FBP2: variants seen among roughly 807,000 people sequenced by gnomAD.
The protein encoded by FBP2 is fructose-bisphosphatase 2.
Under a neutral mutation model 31.6 loss-of-function variants are expected in FBP2, and 27 were observed. The observed-to-expected ratio is 0.85, with a 90% CI of 0.63 to 1.18. The LOEUF is 1.18. Ranked by LOEUF, FBP2 falls within the 50% of genes most tolerant of loss-of-function variation. The probability of loss-of-function intolerance (pLI) is 0.00; values close to 1 mark genes in which losing one functional copy is unlikely to be tolerated. For synonymous variants in FBP2, 168 were observed against 179.8 expected, an observed-to-expected ratio of 0.93 and a Z score of 0.53; for missense variants, 421 against 436.1, an observed-to-expected ratio of 0.97 and a Z score of 0.31.
intron 1 of FBP2, among the ~76,000 whole-genome samples, chr9:94,592,623 C>T (rs147427268): frequency 0.077 from 11,686 of 152,274 alleles, 549 homozygotes; most frequent in South Asian, 0.15. Flanking sequence ...CAACCTCCAT[C>T]TCCCAGGTTC....
chr9:94,563,119 A>C (rs1827133584), intron 6 of FBP2, among the ~76,000 whole-genome samples: 1 of 152,232 alleles, frequency 6.6e-6, no homozygotes, highest in African/African-American at 2.4e-5. Flanking sequence ...GGGTAAGACC[A>C]GTGAGAATCA....
chr9:94,566,807 T>C (rs899036402), intron 5 of FBP2, among the ~76,000 whole-genome samples: 2 of 152,264 alleles, frequency 1.3e-5, no homozygotes, highest in African/African-American at 4.8e-5. Flanking sequence ...CAAAAGCATC[T>C]GAACTTGATG....
At chr9:94,589,064 TG>T (rs1188600685) in intron 1 of FBP2, among the ~76,000 whole-genome samples, 1 of 152,210 alleles carries the variant, frequency 6.6e-6, no homozygotes, top group African/African-American at 2.4e-5. Flanking sequence ...TCTTACTCGA[TG>T]CATTTTCTCC....
At chr9:94,578,896 AC>A (rs1827343997) in intron 3 of FBP2, among the ~76,000 whole-genome samples, 1 of 150,922 alleles carries the variant, frequency 6.6e-6, no homozygotes, top group Non-Finnish European at 1.5e-5. Flanking sequence ...TACTAAAAAT[AC>A]AAAAAATTAG....
chr9:94,565,688 AAAG>A (rs1827176220), intron 5 of FBP2, among the ~76,000 whole-genome samples: 3 of 33,694 alleles, frequency 8.9e-5, no homozygotes, highest in Non-Finnish European at 2.0e-4. Context: ...TTTGCTCTAT[AAAG>A]AAAAGCTACG....
At chr9:94,590,733 T>G (rs1475000200) in intron 1 of FBP2, among the ~76,000 whole-genome samples, 2 of 152,208 alleles carry the variant, frequency 1.3e-5, no homozygotes, top group South Asian at 2.1e-4. Flanking sequence ...CCAAACGGGT[T>G]GCCGATGCTG....
At chr9:94,590,951 CAG>C (rs1303411893) in intron 1 of FBP2, among the ~76,000 whole-genome samples, 14 of 152,296 alleles carry the variant, frequency 9.2e-5, no homozygotes, top group South Asian at 8.3e-4. Context: ...CAGCTAGATA[CAG>C]AGTGTCGATT....
intron 3 of FBP2, 110 bp from the exon 4 acceptor site, chr9:94,571,712 T>G: frequency 9.8e-7 from 1 of 1,024,960 alleles, no homozygotes; most frequent in Non-Finnish European, 1.4e-6. Flanking sequence ...AGCGCGGTTC[T>G]TTGAATTTTA....
chr9:94,560,480 G>A (rs1321915182), intron 6 of FBP2, among the ~76,000 whole-genome samples: 1 of 152,098 alleles, frequency 6.6e-6, no homozygotes, highest in East Asian at 1.9e-4. Context: ...CCCTGCTGCT[G>A]TGCATGACTC....
chr9:94,559,825 G>T (rs781650), intron 6 of FBP2, among the ~76,000 whole-genome samples: 38,592 of 151,952 alleles, frequency 0.25, 6,253 homozygotes, highest in East Asian at 0.54. Context: ...TGTACTATCT[G>T]TATTCTCAGT....
chr9:94,593,676 G>C lies in FBP2; in HGVS notation c.51C>G (p.Tyr17Ter). 2 of 1,614,232 alleles carry C rather than the reference G, an allele frequency of 1.2e-6. No individual in the cohort carries two copies. The highest frequency in any genetic ancestry group is 1.1e-5 in the South Asian group (1 of 91,082). Reference sequence around the variant, plus strand: ...TGGCCTGACGCCCCTTTTCCATAACGTAGCGGGTCAGGGTGAGCATGTCGG... The same window carrying C: ...TGGCCTGACGCCCCTTTTCCATAACCTAGCGGGTCAGGGTGAGCATGTCGG... ...FETDMLTLTR[Y>*]VMEKGRQAKG... Residue 17 changes from tyrosine (Y) to a stop codon, truncating the protein, a stop_gained, in exon 1 of 7, where the codon TAC becomes TAG. Coordinates refer to ENST00000375337, the MANE Select transcript of FBP2 (RefSeq NM_003837.4). LOFTEE classifies it high-confidence loss of function.
rs61465993 is a variant in FBP2, at chr9:94,593,468, C to T, written c.170+89G>A. The T allele has an allele frequency of 0.011, 13,657 of 1,300,274 alleles. 1,132 individuals carry two copies. The African/African-American group carries it at 0.18, about 17-fold the overall frequency. The allele number at this position is 1,300,274 out of a possible 1,614,324, so 80.5% of individuals were successfully genotyped here. ...GCACACAGGGCCAATAAGCTTTGGA[C>T]CCAGTTTCTTGCCAAAGCACCTGCA... On this transcript the variant is annotated intron_variant, in intron 1 of 6. Transcript: ENST00000375337.
chr9:94,593,524 C>T (rs1392691911), intron 1 of FBP2, 33 bp downstream of exon 1: 3 of 1,595,380 alleles, frequency 1.9e-6, no homozygotes, highest in Admixed American at 1.7e-5. Context: ...GCCTGGGGTG[C>T]TCTGTGCCCC....
At chr9:94,572,457 C>T (rs1399727258) in intron 3 of FBP2, among the ~76,000 whole-genome samples, 1 of 152,204 alleles carries the variant, frequency 6.6e-6, no homozygotes. Flanking sequence ...TACGTAGAAG[C>T]TTTGTAAACC....
intron 1 of FBP2, among the ~76,000 whole-genome samples, chr9:94,591,221 C>G (rs1026693814): frequency 2.0e-5 from 3 of 152,242 alleles, no homozygotes; most frequent in Non-Finnish European, 2.9e-5. Flanking sequence ...AGGCTCGGGC[C>G]GCACAGGAGC....
intron 1 of FBP2, among the ~76,000 whole-genome samples, chr9:94,588,483 T>C (rs1298690149): frequency 1.3e-5 from 2 of 152,032 alleles, no homozygotes; most frequent in African/African-American, 4.8e-5. Context: ...ATTAGCTGGA[T>C]GTGGTGGCAC....
chr9:94,565,958 C>G (rs547718869), intron 5 of FBP2, among the ~76,000 whole-genome samples: 10 of 152,192 alleles, frequency 6.6e-5, no homozygotes, highest in African/African-American at 2.4e-4. Flanking sequence ...ACATCCTTGG[C>G]CCACATCTGC....
At chr9:94,559,393 C>T (rs1294490476) in intron 6 of FBP2, among the ~76,000 whole-genome samples, 1 of 152,188 alleles carries the variant, frequency 6.6e-6, no homozygotes, top group Admixed American at 6.5e-5. Context: ...GATCCTTGTG[C>T]TTATGAGAGA....
intron 3 of FBP2, among the ~76,000 whole-genome samples, chr9:94,575,158 A>C (rs1827303893): frequency 6.6e-6 from 1 of 152,190 alleles, no homozygotes; most frequent in South Asian, 2.1e-4. Flanking sequence ...AATTTTTACA[A>C]ATATATAATA....
Sources: gnomAD v4.1 joint callset for allele counts (sites outside exome capture counted in the v4.1 genomes callset) on GRCh38, gnomAD v4.1.1 for gene constraint, MANE v1.5 for transcripts, NCBI Gene and HGNC (gene_info 2026-07-23, HGNC 2026-07-21) for gene names.